The following CALB2 variants were observed in gnomAD, a reference collection of about 807,000 sequenced individuals.
The protein encoded by CALB2 is calretinin.
Under a neutral mutation model 45.9 loss-of-function variants are expected in CALB2, and 34 were observed. That is an observed-to-expected ratio of 0.74 (90% CI 0.56 to 0.99). The LOEUF is 0.99. Ranked by LOEUF, CALB2 falls within the 50% of genes least tolerant of loss-of-function variation. The probability of loss-of-function intolerance (pLI) is 0.00; values close to 1 mark genes in which losing one functional copy is unlikely to be tolerated. For missense variants in CALB2, 344 were observed against 339.3 expected, an observed-to-expected ratio of 1.01 and a Z score of -0.11; for synonymous variants, 142 against 129.6, an observed-to-expected ratio of 1.10 and a Z score of -0.65.
chr16:71,361,839 G>C (rs1384990900), intron 1 of CALB2, among the ~76,000 whole-genome samples: 3 of 152,164 alleles, frequency 2.0e-5, no homozygotes, highest in African/African-American at 7.2e-5. Flanking sequence ...GAGAAACTAG[G>C]ACTCAAAGAG....
At chr16:71,369,787 T>A (rs1026899582) in intron 1 of CALB2, among the ~76,000 whole-genome samples, 2 of 148,918 alleles carry the variant, frequency 1.3e-5, no homozygotes, top group East Asian at 3.9e-4. Flanking sequence ...CCGAGAAGAA[T>A]GTGACTTTGC....
At chr16:71,384,149 A>G (rs937440378) in intron 7 of CALB2, 124 bp downstream of exon 7, 1 of 1,161,326 alleles carries the variant, frequency 8.6e-7, no homozygotes, top group African/African-American at 1.5e-5. Flanking sequence ...AAGACAAAGC[A>G]AGATAGAATT....
intron 4 of CALB2, among the ~76,000 whole-genome samples, chr16:71,382,182 G>GA (rs1190949345): frequency 9.4e-6 from 1 of 106,588 alleles, no homozygotes; most frequent in Admixed American, 9.8e-5. Flanking sequence ...AGGAACGAAA[G>GA]AAAAAAGAAA....
Position 71,374,101 on chromosome 16 carries a change from C to G in CALB2, c.172-644C>G, listed in dbSNP as rs1432021435. 2.6e-5 allele frequency among the ~76,000 whole-genome samples: 4 copies of G among 152,146 alleles called. 1 individual carries two copies. The East Asian group carries it at 7.7e-4, about 29-fold the overall frequency. ...CACTATCTCAAATCAGGGGAAGGTT[C>G]AAGAGCTTCAAGTCTATATTTAAGA... On this transcript the variant is annotated intron_variant, in intron 2 of 10. Coordinates refer to ENST00000302628, the MANE Select transcript of CALB2 (RefSeq NM_001740.5).
At chr16:71,360,011 C>A (rs924858263) in intron 1 of CALB2, among the ~76,000 whole-genome samples, 2 of 152,234 alleles carry the variant, frequency 1.3e-5, no homozygotes, top group African/African-American at 2.4e-5. Flanking sequence ...GCACAGCCCC[C>A]CAGGGGGCCA....
chr16:71,365,454 T>G lies in CALB2; in HGVS notation c.94+6568T>G, dbSNP rs545214840. Among the ~76,000 whole-genome samples, 9 of 152,246 alleles carry G rather than the reference T, an allele frequency of 5.9e-5. No individual in the cohort carries two copies. In the South Asian group the frequency reaches 1.9e-3, roughly 32 times the overall value. Reference sequence around the variant, plus strand: ...ACTCAGATTCTGTAGTCCTTAGAATTTGCATTTCTAAGAAGCCCCCAAGTG... The same window carrying G: ...ACTCAGATTCTGTAGTCCTTAGAATGTGCATTTCTAAGAAGCCCCCAAGTG... On this transcript the variant is annotated intron_variant, in intron 1 of 10. Transcript: ENST00000302628.
chr16:71,380,622 T>C (rs1397110935), intron 4 of CALB2, among the ~76,000 whole-genome samples: 1 of 152,052 alleles, frequency 6.6e-6, no homozygotes, highest in Non-Finnish European at 1.5e-5. Context: ...GATTTCATAT[T>C]CTTACATGTA....
intron 1 of CALB2, among the ~76,000 whole-genome samples, chr16:71,370,482 TAA>T (rs11303887): frequency 6.9e-5 from 10 of 145,336 alleles, no homozygotes; most frequent in African/African-American, 2.5e-4. Flanking sequence ...CTGGGAGTGT[TAA>T]AAAAAAAAAA....
intron 10 of CALB2, among the ~76,000 whole-genome samples, chr16:71,387,081 G>GA (rs1309225840): frequency 1.3e-5 from 2 of 152,290 alleles, no homozygotes; most frequent in Admixed American, 1.3e-4. Flanking sequence ...GTAATTGTAT[G>GA]AATGAGGCAT....
chr16:71,377,532 C>G, intron 3 of CALB2, 135 bp from the exon 4 acceptor site: 1 of 646,426 alleles, frequency 1.5e-6, no homozygotes, highest in South Asian at 1.8e-5. Flanking sequence ...CACCCGTTCT[C>G]AAGGAAGGAA....
intron 10 of CALB2, among the ~76,000 whole-genome samples, chr16:71,388,334 CAA>C (rs71153632): frequency 1.1e-3 from 111 of 103,366 alleles, no homozygotes; most frequent in Middle Eastern, 5.1e-3. Context: ...GACCTTATCT[CAA>C]AAAAAAAAAA....
At chr16:71,385,184 T>C (rs569771911) in intron 9 of CALB2, among the ~76,000 whole-genome samples, 279 of 152,206 alleles carry the variant, frequency 1.8e-3, no homozygotes, top group Non-Finnish European at 2.4e-3. Context: ...CTCTGGGAAG[T>C]TGGAAGTTAG....
At chr16:71,370,482 TA>T (rs11303887) in intron 1 of CALB2, among the ~76,000 whole-genome samples, 5,531 of 144,694 alleles carry the variant, frequency 0.038, 295 homozygotes, top group African/African-American at 0.12. Context: ...CTGGGAGTGT[TA>T]AAAAAAAAAA....
chr16:71,387,820 T>A (rs539576348), intron 10 of CALB2, among the ~76,000 whole-genome samples: 1 of 152,286 alleles, frequency 6.6e-6, no homozygotes, highest in Admixed American at 6.5e-5. Context: ...TATGTGACAT[T>A]TCCAAGAACA....
chr16:71,372,111 CTATT>C, intron 1 of CALB2, 38 bp from the exon 2 acceptor site: 1 of 1,327,556 alleles, frequency 7.5e-7, no homozygotes. Context: ...GCCCCCCTTA[CTATT>C]TAGTGCTGAG....
Position 71,389,867 on chromosome 16 carries a change from G to A in CALB2, c.*2G>A. 6.2e-7 allele frequency: 1 copy of A among 1,603,492 alleles called. No homozygotes were observed. Among genetic ancestry groups the A allele is most frequent in the Non-Finnish European group, 8.5e-7 (1 of 1,171,166 alleles). On this transcript the variant is annotated 3_prime_UTR_variant, in exon 11 of 11. Coordinates refer to ENST00000302628, the MANE Select transcript of CALB2 (RefSeq NM_001740.5). The stretch of plus-strand genomic sequence containing the variant: ...CTCTGCAGCGAGCCCCCCATGTAAA[G>A]TGGGGACGGGGGCTGCTTCTCCACC...
At position 71,389,434 on chromosome 16, in the gene CALB2, A is replaced by T. The variant is rs2042610567; in HGVS notation, c.700-315A>T. 1.4e-5 allele frequency: 7 copies of T among 502,506 alleles called. No homozygotes were observed. In the Admixed American group the frequency reaches 1.6e-4, roughly 11 times the overall value. The allele number at this position is 502,506 out of a possible 1,614,324, so 31.1% of individuals were successfully genotyped here. On this transcript the variant is annotated intron_variant, in intron 10 of 10. Coordinates refer to ENST00000302628, the MANE Select transcript of CALB2 (RefSeq NM_001740.5). ...TCAAGTGCTTGCTGATGTGGCTTAT[A>T]TTCATTCCCTCACGTAATCATCGCA...
rs561975753 is a variant in CALB2, at chr16:71,383,289, C to G, written c.400-78C>G. 1.0e-5 allele frequency: 13 copies of G among 1,274,544 alleles called. No homozygotes were observed. The South Asian group carries it at 1.5e-4, about 15-fold the overall frequency. The allele number at this position is 1,274,544 out of a possible 1,614,324, so 79.0% of individuals were successfully genotyped here. On this transcript the variant is annotated intron_variant, in intron 5 of 10. Coordinates refer to ENST00000302628, the MANE Select transcript of CALB2 (RefSeq NM_001740.5). Reference sequence around the variant, plus strand: ...ACACACACACACATTGAGAGACTGTCTGAATGAGCAAGTAAGGAAATGAAT... The same window carrying G: ...ACACACACACACATTGAGAGACTGTGTGAATGAGCAAGTAAGGAAATGAAT...
chr16:71,362,874 AAAC>A (rs1220377059), intron 1 of CALB2, among the ~76,000 whole-genome samples: 2 of 152,232 alleles, frequency 1.3e-5, no homozygotes, highest in Non-Finnish European at 2.9e-5. Flanking sequence ...GTAGTCAGCA[AAAC>A]AATAAAGATA....
Sources: gnomAD v4.1 joint callset for allele counts (sites outside exome capture counted in the v4.1 genomes callset) on GRCh38, gnomAD v4.1.1 for gene constraint, MANE v1.5 for transcripts, NCBI Gene and HGNC (gene_info 2026-07-23, HGNC 2026-07-21) for gene names.